Variants in ZDHHC2 observed in about 807,000 individuals in gnomAD.
ZDHHC2 encodes palmitoyltransferase ZDHHC2.
Under a neutral mutation model 55.6 loss-of-function variants are expected in ZDHHC2, and 51 were observed. That is an observed-to-expected ratio of 0.92 (90% CI 0.73 to 1.16). The LOEUF is 1.16. Among genes scored for constraint, ZDHHC2 ranks in the 50% most tolerant of loss-of-function variants. The pLI is 0.00. For missense variants in ZDHHC2, 491 were observed against 442.4 expected (o/e 1.11, Z -0.99); for synonymous variants, 199 against 152.9 (o/e 1.30, Z -2.22).
rs752152206 is a variant in ZDHHC2 at position 17,221,728 on chromosome 8, G to A, written c.*1507G>A. The A allele has an allele frequency of 6.6e-6, 1 of 152,458 alleles. No homozygotes were observed. Among genetic ancestry groups the A allele is most frequent in the Non-Finnish European group, 1.5e-5 (1 of 67,916 alleles). The allele number at this position is 152,458 out of a possible 1,614,324, so 9.4% of individuals were successfully genotyped here. ...CAGCCAAGTCCATTTTATAGTTTGA[G>A]TGCAATTCTTTGAACAATAGAAATA... On this transcript the variant is annotated 3_prime_UTR_variant, in exon 13 of 13. Coordinates refer to ENST00000262096, the MANE Select transcript of ZDHHC2 (RefSeq NM_016353.5).
At chr8:17,161,528 G>A (rs1804342335) in intron 1 of ZDHHC2, among the ~76,000 whole-genome samples, 2 of 152,212 alleles carry the variant, frequency 1.3e-5, no homozygotes, top group Admixed American at 1.3e-4. Context: ...GAAAACTGAT[G>A]TATGCAAAAC....
intron 7 of ZDHHC2, among the ~76,000 whole-genome samples, chr8:17,207,252 A>G (rs1807148091): frequency 1.3e-5 from 2 of 152,226 alleles, no homozygotes; most frequent in Non-Finnish European, 2.9e-5. Flanking sequence ...ATAGGTGTCC[A>G]TAGCCCCAAG....
rs1563161277 is a variant in ZDHHC2, at chr8:17,199,540, G to GTCTTCA, written c.476+1132_476+1133insATCTTC. On this transcript the variant is annotated intron_variant, in intron 6 of 12. Transcript: ENST00000262096. Reference sequence around the variant, plus strand: ...GTCTTCGTCTTCGTCTTCTGTCTTCGTCTTCTGTCTTCGTCTTCGTCTTCT... The same window carrying GTCTTCA: ...GTCTTCGTCTTCGTCTTCTGTCTTCGTCTTCATCTTCTGTCTTCGTCTTCGTCTTCT... Among the ~76,000 whole-genome samples, 7 of 12,120 alleles carry GTCTTCA rather than the reference G, an allele frequency of 5.8e-4. No homozygotes were observed. The East Asian group carries it at 0.033, about 57-fold the overall frequency. 8.0% of individuals were successfully genotyped at this position (12,120 alleles called of 152,430 possible).
rs1039975292 is a variant in ZDHHC2 at position 17,221,635 on chromosome 8, C to G, written c.*1414C>G. 7 of 152,428 alleles carry G rather than the reference C, an allele frequency of 4.6e-5. No individual in the cohort carries two copies. Among genetic ancestry groups the G allele is most frequent in the African/African-American group, 1.7e-4 (7 of 41,430 alleles). The allele number at this position is 152,428 out of a possible 1,614,324, so 9.4% of individuals were successfully genotyped here. On this transcript the variant is annotated 3_prime_UTR_variant, in exon 13 of 13. Transcript: ENST00000262096. The stretch of plus-strand genomic sequence containing the variant: ...GCCAGAGGATAATGGAATAAAAGAT[C>G]ATTGCAATTACTTATCCTTCCTAAA...
rs74647669 is a variant in ZDHHC2 at position 17,173,790 on chromosome 8, G to A, written c.131-10999G>A. On this transcript the variant is annotated intron_variant, in intron 1 of 12. Transcript: ENST00000262096. ...CTGCAGTCTGATTTTGGAGGATGCT[G>A]CAAGCTATATTCTGTGCCTCCAAAA... Among the ~76,000 whole-genome samples, 576 of 152,230 alleles carry A rather than the reference G, an allele frequency of 3.8e-3. 10 individuals carry two copies. The East Asian group carries it at 0.045, about 12-fold the overall frequency.
At chr8:17,176,885 A>G (rs375692909) in intron 1 of ZDHHC2, among the ~76,000 whole-genome samples, 7 of 152,294 alleles carry the variant, frequency 4.6e-5, no homozygotes, top group East Asian at 3.9e-4. Context: ...ATATAAGTAG[A>G]TAGGTTATAA....
intron 7 of ZDHHC2, 112 bp downstream of exon 7, chr8:17,205,887 T>G: frequency 9.6e-7 from 1 of 1,036,808 alleles, no homozygotes; most frequent in Non-Finnish European, 1.4e-6. Flanking sequence ...CTCATTGACA[T>G]GCAGTCAGTC....
intron 1 of ZDHHC2, among the ~76,000 whole-genome samples, chr8:17,159,558 T>A (rs531483670): frequency 6.6e-6 from 1 of 152,338 alleles, no homozygotes; most frequent in South Asian, 2.1e-4. Context: ...ACAGTTAGTT[T>A]CTATATTTAA....
chr8:17,208,133 G>T (rs780968536), intron 8 of ZDHHC2, 41 bp downstream of exon 8: 2 of 1,492,340 alleles, frequency 1.3e-6, no homozygotes, highest in Non-Finnish European at 1.8e-6. Context: ...CTTTAAATAC[G>T]TATACCAACA....
chr8:17,188,904 T>A (rs1805869451), intron 3 of ZDHHC2, among the ~76,000 whole-genome samples: 1 of 152,152 alleles, frequency 6.6e-6, no homozygotes, highest in African/African-American at 2.4e-5. Flanking sequence ...CCAGAAACAT[T>A]GGTGTCATCC....
intron 12 of ZDHHC2, among the ~76,000 whole-genome samples, chr8:17,218,319 A>C (rs1807746835): frequency 1.3e-5 from 2 of 152,332 alleles, no homozygotes; most frequent in African/African-American, 2.4e-5. Context: ...AGCTATAGCA[A>C]ATATGAGTCA....
At chr8:17,166,475 C>T (rs952820942) in intron 1 of ZDHHC2, among the ~76,000 whole-genome samples, 14 of 152,138 alleles carry the variant, frequency 9.2e-5, no homozygotes, top group African/African-American at 3.4e-4. Flanking sequence ...GCTGAGTAAG[C>T]AGTTGCACAC....
At chr8:17,171,039 C>T (rs1423986725) in intron 1 of ZDHHC2, among the ~76,000 whole-genome samples, 2 of 152,002 alleles carry the variant, frequency 1.3e-5, no homozygotes, top group Non-Finnish European at 2.9e-5. Flanking sequence ...GCAGGCAGAT[C>T]GTTGTTGAGG....
intron 1 of ZDHHC2, among the ~76,000 whole-genome samples, chr8:17,165,893 C>T (rs1038391282): frequency 1.3e-5 from 2 of 152,102 alleles, no homozygotes; most frequent in Non-Finnish European, 2.9e-5. Flanking sequence ...TATCTCCGGC[C>T]AGGGGAGTTT....
chr8:17,204,341 C>T (rs954239892), intron 6 of ZDHHC2, among the ~76,000 whole-genome samples: 6 of 152,082 alleles, frequency 3.9e-5, no homozygotes, highest in Non-Finnish European at 7.4e-5. Context: ...GGAACAAGAA[C>T]GTTTGAGAAA....
At chr8:17,190,125 T>A (rs1805942985) in intron 3 of ZDHHC2, among the ~76,000 whole-genome samples, 2 of 152,108 alleles carry the variant, frequency 1.3e-5, no homozygotes, top group African/African-American at 4.8e-5. Context: ...TAAAGTTTTG[T>A]ATATGAGGTA....
Position 17,217,179 on chromosome 8 carries a change from C to T in ZDHHC2, c.1071C>T (p.Ser357=). The change falls in exon 12 of 13, where the codon AGC becomes AGT. Residue 357 remains serine (S), a synonymous_variant. Coordinates refer to ENST00000262096, the MANE Select transcript of ZDHHC2 (RefSeq NM_016353.5). ...TTATGTGCTTTCATTAAGGTATGAG[C>T]AATCCTGCATTAACCATGGAAAATG... ...INPGKCKAGM[S]NPALTMENET is the part of the protein sequence containing the mutation. 1.2e-6 allele frequency: 2 copies of T among 1,611,428 alleles called. No individual in the cohort carries two copies. Among genetic ancestry groups the T allele is most frequent in the South Asian group, 1.1e-5 (1 of 90,860 alleles).
chr8:17,192,496 C>T (rs982958731), intron 3 of ZDHHC2, among the ~76,000 whole-genome samples: 3 of 152,078 alleles, frequency 2.0e-5, no homozygotes, highest in Non-Finnish European at 1.5e-5. Flanking sequence ...TAGAGTTGTT[C>T]GAGCTCCTTA....
chr8:17,196,830 G>C (rs1056233458), intron 4 of ZDHHC2, among the ~76,000 whole-genome samples: 1 of 151,716 alleles, frequency 6.6e-6, no homozygotes, highest in Non-Finnish European at 1.5e-5. Context: ...AGAATTGCTT[G>C]AACTCAGGAG....
Sources: allele counts gnomAD v4.1 joint callset (sites outside exome capture counted in the v4.1 genomes callset), GRCh38; gene constraint gnomAD v4.1.1; transcripts MANE v1.5; gene names NCBI Gene and HGNC (gene_info 2026-07-23, HGNC 2026-07-21).